Variants in STOX2 observed in about 807,000 individuals in gnomAD.
STOX2 encodes storkhead-box protein 2.
In STOX2, 28 loss-of-function variants were observed where a neutral mutation model predicts 60.9. The observed-to-expected ratio is 0.46, with a 90% CI of 0.34 to 0.63. The LOEUF (loss-of-function observed/expected upper bound fraction) is 0.63. Ranked by LOEUF, STOX2 falls within the 30% of genes least tolerant of loss-of-function variation. The pLI is 0.01. For synonymous variants in STOX2, 472 were observed against 463.9 expected (o/e 1.02, Z -0.22); for missense variants, 1,024 against 1,187.7 (o/e 0.86, Z 2.03).
intron 1 of STOX2, among the ~76,000 whole-genome samples, chr4:183,847,643 A>G (rs1435284220): frequency 6.6e-6 from 1 of 152,152 alleles, no homozygotes; most frequent in Non-Finnish European, 1.5e-5. Context: ...ATCGAACTGG[A>G]TAGGAGGATC....
chr4:183,998,196 T>G (rs567612577), intron 1 of STOX2, among the ~76,000 whole-genome samples: 2 of 152,344 alleles, frequency 1.3e-5, no homozygotes, highest in East Asian at 3.9e-4. Context: ...AGGTATTAAC[T>G]TCTCAAGTGA....
At chr4:183,998,521 A>G (rs1163343530) in intron 1 of STOX2, among the ~76,000 whole-genome samples, 1 of 152,150 alleles carries the variant, frequency 6.6e-6, no homozygotes, top group Non-Finnish European at 1.5e-5. Context: ...ATCAGCACTC[A>G]GCCAATCTTC....
intron 1 of STOX2, among the ~76,000 whole-genome samples, chr4:183,882,735 C>T (rs971476501): frequency 6.6e-6 from 1 of 152,172 alleles, no homozygotes; most frequent in Admixed American, 6.5e-5. Context: ...CCTTAGAATC[C>T]TTCTGGTCTG....
At chr4:183,859,100 G>A (rs756957868) in intron 1 of STOX2, among the ~76,000 whole-genome samples, 4 of 152,056 alleles carry the variant, frequency 2.6e-5, no homozygotes, top group Non-Finnish European at 5.9e-5. Flanking sequence ...TCTATTATTT[G>A]GACCAAGCTT....
At position 184,010,816 on chromosome 4, in the gene STOX2, G is replaced by A. The variant is rs1734122140; in HGVS notation, c.1978G>A (p.Gly660Arg). 1 of 1,584,478 alleles carries A rather than the reference G, an allele frequency of 6.3e-7. No homozygotes were observed. Among genetic ancestry groups the A allele is most frequent in the East Asian group, 2.2e-5 (1 of 44,476 alleles). ...GGGGCACAAGGAGGAGTCACCAAAA[G>A]GGCCGGGTGGGGGCCCCGCTGCTTC... ...PVGHKEESPK[G>R]PGGGPAASGG... is the part of the protein sequence containing the mutation. The change falls in exon 3 of 4, where the codon GGG (glycine) becomes AGG (arginine). Residue 660 changes from glycine (G) to arginine (R), a missense_variant. By Grantham distance (125) the Gly-to-Arg change is moderately radical. Coordinates refer to ENST00000308497, the MANE Select transcript of STOX2 (RefSeq NM_020225.3). The surrounding 1 kb of genome is among the most constrained non-coding windows in gnomAD (Gnocchi z 4.5).
intron 1 of STOX2, among the ~76,000 whole-genome samples, chr4:183,850,913 AGGGAAAGGAT>A (rs1740106404): frequency 6.8e-6 from 1 of 148,006 alleles, no homozygotes; most frequent in East Asian, 2.0e-4. Flanking sequence ...GGAAAGGATG[AGGGAAAGGAT>A]GAGGGAAAGG....
intron 1 of STOX2, among the ~76,000 whole-genome samples, chr4:183,922,483 T>C (rs1414898994): frequency 4.0e-5 from 6 of 151,788 alleles, no homozygotes; most frequent in African/African-American, 7.3e-5. Context: ...GTAGCTGGGA[T>C]TACAGGCGCC....
chr4:183,921,387 G>T (rs1373515880), intron 1 of STOX2, among the ~76,000 whole-genome samples: 1 of 152,208 alleles, frequency 6.6e-6, no homozygotes, highest in African/African-American at 2.4e-5. Context: ...ATAAGGATCA[G>T]TGAACTGGTT....
chr4:183,862,996 A>G (rs748150814), intron 1 of STOX2, among the ~76,000 whole-genome samples: 7 of 152,148 alleles, frequency 4.6e-5, no homozygotes, highest in Non-Finnish European at 7.4e-5. Flanking sequence ...GAGCCCACCA[A>G]TCTCACTGGG....
intron 1 of STOX2, among the ~76,000 whole-genome samples, chr4:183,850,841 A>G (rs547617045): frequency 1.3e-5 from 2 of 152,114 alleles, no homozygotes; most frequent in African/African-American, 4.8e-5. Flanking sequence ...AGAAAGGATG[A>G]GAGAAAGGAT....
At chr4:183,940,305 A>G (rs1412145701) in intron 1 of STOX2, among the ~76,000 whole-genome samples, 1 of 152,256 alleles carries the variant, frequency 6.6e-6, no homozygotes, top group Non-Finnish European at 1.5e-5. Flanking sequence ...GCTAGGGCAA[A>G]AGAAACACCT....
chr4:183,953,751 A>G (rs751247204), intron 1 of STOX2, among the ~76,000 whole-genome samples: 17 of 151,958 alleles, frequency 1.1e-4, no homozygotes, highest in Admixed American at 3.9e-4. Context: ...TTTTTAGTAG[A>G]GACGGGATTT....
At chr4:183,893,861 T>A (rs1361600270) in intron 1 of STOX2, among the ~76,000 whole-genome samples, 1 of 152,232 alleles carries the variant, frequency 6.6e-6, no homozygotes, top group Admixed American at 6.5e-5. Context: ...TTTGTTCTAG[T>A]GTAATTAGTA....
At chr4:183,883,548 C>T (rs1028156762) in intron 1 of STOX2, among the ~76,000 whole-genome samples, 12 of 152,092 alleles carry the variant, frequency 7.9e-5, no homozygotes, top group Non-Finnish European at 1.3e-4. Context: ...GATCTCCTGA[C>T]CTTGTGATCC....
intron 1 of STOX2, among the ~76,000 whole-genome samples, chr4:183,974,296 A>AT (rs1732364546): frequency 6.6e-6 from 1 of 152,188 alleles, no homozygotes; most frequent in Non-Finnish European, 1.5e-5. Flanking sequence ...TTCAAATAAA[A>AT]TTAGGAAAGG....
chr4:183,964,835 T>C (rs1440763478), intron 1 of STOX2, among the ~76,000 whole-genome samples: 2 of 152,094 alleles, frequency 1.3e-5, no homozygotes, highest in Non-Finnish European at 2.9e-5. Flanking sequence ...TCACCCGCCT[T>C]GGCCTCCCAA....
intron 1 of STOX2, among the ~76,000 whole-genome samples, chr4:183,848,316 T>A (rs1432677334): frequency 6.6e-6 from 1 of 152,202 alleles, no homozygotes. Flanking sequence ...GATCTCAAGA[T>A]GGTTGCTGTA....
intron 1 of STOX2, among the ~76,000 whole-genome samples, chr4:183,989,190 T>TG (rs1374605644): frequency 4.4e-5 from 2 of 45,646 alleles, no homozygotes; most frequent in African/African-American, 1.9e-4. Flanking sequence ...TTTTTTTTTT[T>TG]TTTGTTTGTT....
At chr4:183,964,075 T>G (rs2111165540) in intron 1 of STOX2, among the ~76,000 whole-genome samples, 1 of 152,280 alleles carries the variant, frequency 6.6e-6, no homozygotes, top group African/African-American at 2.4e-5. Flanking sequence ...GCGCCCAGCT[T>G]TCTTTACAAA....
Sources: allele counts gnomAD v4.1 joint callset (sites outside exome capture counted in the v4.1 genomes callset), GRCh38; gene constraint gnomAD v4.1.1; non-coding constraint Gnocchi (gnomAD v3.1); transcripts MANE v1.5; gene names NCBI Gene and HGNC (gene_info 2026-07-23, HGNC 2026-07-21).